SYN3: variants seen among roughly 807,000 people sequenced by gnomAD.
SYN3 encodes the protein synapsin-3.
A neutral mutation model predicts 65.8 loss-of-function variants in SYN3; 35 were observed. The ratio of observed to expected loss-of-function variants is 0.53; its 90% CI spans 0.41 to 0.70. The LOEUF is 0.70. Ranked by LOEUF, SYN3 falls within the 30% of genes least tolerant of loss-of-function variation. The pLI is 0.00. For missense variants in SYN3, 680 were observed against 749.0 expected (o/e 0.91, Z 1.08); for synonymous variants, 270 against 292.9 (o/e 0.92, Z 0.80).
At chr22:32,800,213 T>A (rs1315857732) in intron 6 of SYN3, among the ~76,000 whole-genome samples, 6 of 152,248 alleles carry the variant, frequency 3.9e-5, no homozygotes, top group African/African-American at 1.4e-4. Flanking sequence ...TCCCTGTTTC[T>A]ATTTGTTCCA....
chr22:33,028,640 A>ATGATGGTGG (rs2053680225), intron 1 of SYN3, among the ~76,000 whole-genome samples: 1 of 80,862 alleles, frequency 1.2e-5, no homozygotes, highest in Non-Finnish European at 2.5e-5. Flanking sequence ...AATAAGAACC[A>ATGATGGTGG]TGATGGTGGT....
intron 6 of SYN3, among the ~76,000 whole-genome samples, chr22:32,660,500 C>T (rs1391483123): frequency 6.6e-6 from 1 of 152,088 alleles, no homozygotes; most frequent in Non-Finnish European, 1.5e-5. Context: ...GGGAAGAGAC[C>T]ACTTCCTCTC....
At chr22:32,596,014 C>T (rs2858727) in intron 7 of SYN3, among the ~76,000 whole-genome samples, 94,771 of 151,950 alleles carry the variant, frequency 0.62, 31,506 homozygotes, top group African/African-American at 0.87. Context: ...GAGGTGGAGG[C>T]TGTAGTGAGC....
intron 12 of SYN3, 167 bp downstream of exon 12, chr22:32,527,751 T>C: frequency 1.7e-6 from 1 of 590,918 alleles, no homozygotes; most frequent in Non-Finnish European, 2.9e-6. Context: ...TTCTCCTTTC[T>C]TGACTTTTTA....
At chr22:33,018,591 GA>G (rs2053509740) in intron 1 of SYN3, among the ~76,000 whole-genome samples, 2 of 152,238 alleles carry the variant, frequency 1.3e-5, no homozygotes, top group South Asian at 2.1e-4. Flanking sequence ...GGTGAAGCCA[GA>G]ACCAGAAGTA....
chr22:32,712,312 T>A (rs931436426), intron 6 of SYN3, among the ~76,000 whole-genome samples: 6 of 152,228 alleles, frequency 3.9e-5, no homozygotes, highest in African/African-American at 1.2e-4. Context: ...TGTTTTATTT[T>A]CTGTATGGAA....
At chr22:33,053,353 G>A (rs2054202865) in intron 1 of SYN3, among the ~76,000 whole-genome samples, 1 of 152,128 alleles carries the variant, frequency 6.6e-6, no homozygotes, top group Admixed American at 6.5e-5. Flanking sequence ...AACCCAGGAG[G>A]CGGAGGTTGC....
At chr22:32,746,120 G>A (rs2044924612) in intron 6 of SYN3, among the ~76,000 whole-genome samples, 1 of 152,110 alleles carries the variant, frequency 6.6e-6, no homozygotes, top group South Asian at 2.1e-4. Context: ...GTTAAGTGAC[G>A]GTCAGTTCAC....
At chr22:33,033,023 T>C (rs953959521) in intron 1 of SYN3, among the ~76,000 whole-genome samples, 2 of 152,140 alleles carry the variant, frequency 1.3e-5, no homozygotes, top group African/African-American at 4.8e-5. Flanking sequence ...AAACTTTTTT[T>C]TTTTTTGAGA....
chr22:32,596,319 G>C (rs781433512), intron 7 of SYN3, among the ~76,000 whole-genome samples: 18 of 152,172 alleles, frequency 1.2e-4, no homozygotes, highest in South Asian at 6.2e-4. Flanking sequence ...AGATGAGTAA[G>C]ACATGGGCTT....
intron 3 of SYN3, among the ~76,000 whole-genome samples, chr22:32,941,711 A>G (rs1240208442): frequency 1.3e-5 from 2 of 152,198 alleles, no homozygotes; most frequent in African/African-American, 4.8e-5. Context: ...AAGGGAAGCC[A>G]TGACAGACAC....
At chr22:33,014,623 AT>A (rs1401706022) in intron 1 of SYN3, 3 of 152,158 alleles carry the variant, frequency 2.0e-5, no homozygotes, top group Non-Finnish European at 4.4e-5. Flanking sequence ...TCTACTAAAA[AT>A]ATAATATTAG....
intron 2 of SYN3, among the ~76,000 whole-genome samples, chr22:32,991,041 T>C (rs188250571): frequency 1.4e-3 from 218 of 152,028 alleles, no homozygotes; most frequent in South Asian, 4.6e-3. Flanking sequence ...ACAAAAAATA[T>C]TATCTGGACG....
At chr22:32,718,490 C>A (rs1338808151) in intron 6 of SYN3, among the ~76,000 whole-genome samples, 2 of 150,070 alleles carry the variant, frequency 1.3e-5, no homozygotes, top group East Asian at 2.0e-4. Context: ...GTCTCATAGT[C>A]CTTTTTTCAA....
chr22:32,954,143 AAAAC>A (rs1358816917), intron 3 of SYN3, among the ~76,000 whole-genome samples: 2 of 149,658 alleles, frequency 1.3e-5, no homozygotes, highest in Admixed American at 6.6e-5. Flanking sequence ...AAAACAAAAC[AAAAC>A]AAAAACCGCA....
intron 10 of SYN3, among the ~76,000 whole-genome samples, chr22:32,533,567 C>T (rs1032142622): frequency 2.6e-5 from 4 of 152,132 alleles, no homozygotes; most frequent in East Asian, 1.9e-4. Flanking sequence ...TGTTCAACCT[C>T]GGGCCCTGAG....
At chr22:32,928,223 G>C (rs542667745) in intron 4 of SYN3, among the ~76,000 whole-genome samples, 58 of 152,132 alleles carry the variant, frequency 3.8e-4, no homozygotes, top group Non-Finnish European at 5.3e-4. Context: ...CCAGCTACTT[G>C]GGAGGCTGGG....
In SYN3 at chr22:33,052,783, G is replaced by A. The variant is rs963651750; in HGVS notation, c.-163+5509C>T. On this transcript the variant is annotated intron_variant, in intron 1 of 13. Coordinates refer to ENST00000358763, the MANE Select transcript of SYN3 (RefSeq NM_003490.4). ...CTAGAAGGCAAAATTCTGCTTCTAG[G>A]TGCTTAACCCTTTCATGCTCATCAG... is the stretch of plus-strand genomic sequence containing the variant. Among the ~76,000 whole-genome samples the A allele has an allele frequency of 2.6e-5, 4 of 152,210 alleles. No individual in the cohort carries two copies. The East Asian group carries it at 7.7e-4, about 29-fold the overall frequency.
At position 32,550,700 on chromosome 22, in the gene SYN3, C is replaced by CA. The variant is rs135481; in HGVS notation, c.775-8988dup. Among the ~76,000 whole-genome samples the CA allele has an allele frequency of 8.9e-3, 1,326 of 148,296 alleles. 9 individuals are homozygous for CA. Among genetic ancestry groups the CA allele is most frequent in the Middle Eastern group, 0.024 (7 of 286 alleles). On this transcript the variant is annotated intron_variant, in intron 7 of 13. Transcript: ENST00000358763. ...GTCTGCCAAAAAGGCCTAGAAATGG[C>CA]AAAAAAAAAAATAAGAATAAACATA... is the stretch of plus-strand genomic sequence containing the variant.
Sources: allele counts gnomAD v4.1 joint callset (sites outside exome capture counted in the v4.1 genomes callset), GRCh38; gene constraint gnomAD v4.1.1; transcripts MANE v1.5; gene names NCBI Gene and HGNC (gene_info 2026-07-23, HGNC 2026-07-21).